MEGF6: variants seen among roughly 807,000 people sequenced by gnomAD.
MEGF6 encodes the protein multiple EGF like domains 6.
MEGF6 carries 184 observed loss-of-function variants against 207.1 expected under a neutral mutation model. The ratio of observed to expected loss-of-function variants is 0.89; its 90% CI spans 0.79 to 1.00. The LOEUF (loss-of-function observed/expected upper bound fraction) is 1.00. Among genes scored for constraint, MEGF6 ranks in the 50% least tolerant of loss-of-function variants. The probability of loss-of-function intolerance (pLI) is 0.00; values close to 1 mark genes in which losing one functional copy is unlikely to be tolerated. For synonymous variants in MEGF6, 1,038 were observed against 910.0 expected, an observed-to-expected ratio of 1.14 and a Z score of -2.53; for missense variants, 2,282 against 2,202.9, an observed-to-expected ratio of 1.04 and a Z score of -0.72.
chr1:3,499,799 G>T lies in MEGF6; in HGVS notation c.2833C>A (p.His945Asn). 6.4e-7 allele frequency: 1 copy of T among 1,559,752 alleles called. No homozygotes were observed. The highest frequency in any genetic ancestry group is 8.7e-7 in the Non-Finnish European group (1 of 1,152,568). Reference sequence around the variant, plus strand: ...CCCCGCCTGTGCCGTAGCTCACCATGCTCGCAGAAGGTGCCCCTCCAGCCG... The same window carrying T: ...CCCCGCCTGTGCCGTAGCTCACCATTCTCGCAGAAGGTGCCCCTCCAGCCG... The part of the protein sequence containing the change: ...PAGWRGTFCE[H>N]ACPAGFFGLD... The change falls in exon 22 of 37, where the codon CAT becomes AAT. Residue 945 changes from histidine to asparagine, a missense_variant. Coordinates refer to ENST00000356575, the MANE Select transcript of MEGF6 (RefSeq NM_001409.4).
At chr1:3,606,678 C>T (rs1170631440) in intron 1 of MEGF6, among the ~76,000 whole-genome samples, 1 of 152,234 alleles carries the variant, frequency 6.6e-6, no homozygotes, top group Non-Finnish European at 1.5e-5. Context: ...GCCATAGGAA[C>T]TGCTACAGGC....
At chr1:3,547,788 C>A (rs1286195417) in intron 4 of MEGF6, among the ~76,000 whole-genome samples, 1 of 152,212 alleles carries the variant, frequency 6.6e-6, no homozygotes, top group Admixed American at 6.5e-5. Flanking sequence ...GGCAGTTCTC[C>A]CGGGGTGCGC....
chr1:3,502,801 C>A (rs1640957894), intron 17 of MEGF6, among the ~76,000 whole-genome samples: 1 of 152,190 alleles, frequency 6.6e-6, no homozygotes, highest in Non-Finnish European at 1.5e-5. Context: ...CCCACGCCTG[C>A]CCTGACCTTA....
intron 2 of MEGF6, among the ~76,000 whole-genome samples, chr1:3,599,808 C>T (rs1384781134): frequency 6.6e-6 from 1 of 151,870 alleles, no homozygotes; most frequent in African/African-American, 2.4e-5. Flanking sequence ...GCCCCTGACC[C>T]TGCCCTGCTG....
chr1:3,603,057 G>A (rs967755528), intron 1 of MEGF6, among the ~76,000 whole-genome samples: 2 of 152,188 alleles, frequency 1.3e-5, no homozygotes, highest in East Asian at 3.9e-4. Flanking sequence ...GTGAACCCGG[G>A]CCCATCCCCT....
intron 1 of MEGF6, among the ~76,000 whole-genome samples, chr1:3,608,491 A>G (rs549791145): frequency 5.9e-5 from 9 of 152,120 alleles, no homozygotes; most frequent in South Asian, 4.2e-4. Context: ...CCAAAGAGCT[A>G]CTTGCAAGAT....
At chr1:3,500,889 G>A (rs1454957282) in intron 20 of MEGF6, 77 bp downstream of exon 20, 4 of 1,603,428 alleles carry the variant, frequency 2.5e-6, no homozygotes, top group Admixed American at 1.7e-5. Context: ...AGTCCTCGGG[G>A]GCCCTGGGCA....
chr1:3,619,260 C>A, the MEGF6 span, among the ~76,000 whole-genome samples: 6 of 152,208 alleles, frequency 3.9e-5, no homozygotes, highest in Admixed American at 3.9e-4. Context: ...GCTCCCCTCC[C>A]GGGACCTCAC....
chr1:3,512,449 T>C (rs983503386), intron 7 of MEGF6, among the ~76,000 whole-genome samples: 1 of 152,218 alleles, frequency 6.6e-6, no homozygotes, highest in African/African-American at 2.4e-5. Context: ...GGCGGGGGCC[T>C]GATGATATGG....
chr1:3,545,289 G>T (rs577317705), intron 4 of MEGF6, among the ~76,000 whole-genome samples: 1 of 152,192 alleles, frequency 6.6e-6, no homozygotes, highest in Non-Finnish European at 1.5e-5. Context: ...AGGTAGGGGG[G>T]TCTGGTCTTC....
At chr1:3,592,858 CAAG>C (rs964989789) in intron 3 of MEGF6, among the ~76,000 whole-genome samples, 4 of 152,222 alleles carry the variant, frequency 2.6e-5, no homozygotes, top group African/African-American at 9.6e-5. Context: ...TGTTTAAAAA[CAAG>C]AAGAAAGCCA....
In MEGF6 at chr1:3,528,044, G is replaced by A. The variant is rs79518936; in HGVS notation, c.482-3798C>T. On this transcript the variant is annotated intron_variant, in intron 4 of 36. Coordinates refer to ENST00000356575, the MANE Select transcript of MEGF6 (RefSeq NM_001409.4). ...AGGGCCTGGGTGGGGGTGCTGAAGCGCACCCAGGCTTCCGGTGCCTGCTAT... is the reference window on the plus strand; with the variant it reads ...AGGGCCTGGGTGGGGGTGCTGAAGCACACCCAGGCTTCCGGTGCCTGCTAT... Among the ~76,000 whole-genome samples the A allele has an allele frequency of 6.2e-4, 95 of 152,328 alleles. 1 individual carries two copies. The East Asian group carries it at 0.013, about 20-fold the overall frequency.
In MEGF6 at chr1:3,602,525, C is replaced by G; in HGVS notation, c.207G>C (p.Thr69=). 1 of 1,613,318 alleles carries G rather than the reference C, an allele frequency of 6.2e-7. No homozygotes were observed. The highest frequency in any genetic ancestry group is 8.5e-7 in the Non-Finnish European group (1 of 1,179,884). The part of the protein sequence containing the change: ...RQPCVQALSH[T]VPVWKAGCGW... ...CACAGCCGGCCTTCCACACCGGCAC[C>G]GTGTGGCTTAAGGCCTGCACGCACG... Residue 69 remains threonine (T), a synonymous_variant, in exon 2 of 37, where the codon ACG becomes ACC. Transcript: ENST00000356575.
chr1:3,576,374 C>G (rs1279173157), intron 4 of MEGF6, among the ~76,000 whole-genome samples: 1 of 152,226 alleles, frequency 6.6e-6, no homozygotes, highest in Non-Finnish European at 1.5e-5. Flanking sequence ...CCCCCACTGC[C>G]CTCCATAGCT....
Position 3,599,276 on chromosome 1 carries a change from C to A in MEGF6, c.266+3190G>T, listed in dbSNP as rs377537284. Among the ~76,000 whole-genome samples, 332 of 152,340 alleles carry A rather than the reference C, an allele frequency of 2.2e-3. 2 individuals carry two copies. The highest frequency in any genetic ancestry group is 7.7e-3 in the African/African-American group (319 of 41,594). Reference sequence around the variant, plus strand: ...CTCATCCAGCCTGCTGGCCTCCCCCCCAGAGCTCAGGAGAGGAGGTGTCTC... The same window carrying A: ...CTCATCCAGCCTGCTGGCCTCCCCCACAGAGCTCAGGAGAGGAGGTGTCTC... On this transcript the variant is annotated intron_variant, in intron 2 of 36. Coordinates refer to ENST00000356575, the MANE Select transcript of MEGF6 (RefSeq NM_001409.4).
At position 3,494,022 on chromosome 1, in the gene MEGF6, C is replaced by T; in HGVS notation, c.4232G>A (p.Gly1411Asp). The T allele has an allele frequency of 6.2e-7, 1 of 1,607,798 alleles. No individual in the cohort carries two copies. Among genetic ancestry groups the T allele is most frequent in the Non-Finnish European group, 8.5e-7 (1 of 1,177,922 alleles). ...PISGRCLCPAGFHGHFCERGC... is the reference protein window; with the variant it reads ...PISGRCLCPADFHGHFCERGC... ...CCTCTCACAGAAGTGGCCGTGGAAG[C>T]CGGCAGGGCAGAGGCATCGGCCACT... Residue 1411 changes from glycine (G) to aspartate (D), a missense_variant, in exon 33 of 37, where the codon GGC becomes GAC. Transcript: ENST00000356575.
Position 3,507,912 on chromosome 1 carries a change from C to A in MEGF6, c.1672G>T (p.Asp558Tyr), listed in dbSNP as rs1641175783. The change falls in exon 14 of 37, where the codon GAC becomes TAC. Residue 558 changes from aspartate to tyrosine, a missense_variant. By Grantham distance (160) the Asp-to-Tyr change is radical. Coordinates refer to ENST00000356575, the MANE Select transcript of MEGF6 (RefSeq NM_001409.4). ...AAGCTGCAGTTCTTCCCAAAGGTGTCCGGAGGACAAGCTACAAAGAATGAC... is the reference window on the plus strand; with the variant it reads ...AAGCTGCAGTTCTTCCCAAAGGTGTACGGAGGACAAGCTACAAAGAATGAC... ...GLICNETCPP[D>Y]TFGKNCSFSC... 3 of 1,611,524 alleles carry A rather than the reference C, an allele frequency of 1.9e-6. No homozygotes were observed. The highest frequency in any genetic ancestry group is 1.7e-6 in the Non-Finnish European group (2 of 1,178,892).
rs199605751 is a variant in MEGF6, at chr1:3,602,177, TGC to T, written c.266+287_266+288del. Among the ~76,000 whole-genome samples the T allele has an allele frequency of 4.5e-3, 684 of 152,310 alleles. 21 individuals are homozygous for T. The highest frequency in any genetic ancestry group is 0.041 in the Admixed American group (634 of 15,308). On this transcript the variant is annotated intron_variant, in intron 2 of 36. Coordinates refer to ENST00000356575, the MANE Select transcript of MEGF6 (RefSeq NM_001409.4). Reference sequence around the variant, plus strand: ...CAGGCTGAGACCACTCTCCCCTTCCTGCGTGGCCAGCATCCTCCCGGGCTGGG... The same window carrying T: ...CAGGCTGAGACCACTCTCCCCTTCCTGTGGCCAGCATCCTCCCGGGCTGGG...
At chr1:3,494,533 A>C in intron 31 of MEGF6, 34 bp from the exon 32 acceptor site, 1 of 1,574,234 alleles carries the variant, frequency 6.4e-7, no homozygotes, top group Non-Finnish European at 8.6e-7. Context: ...GTCCTTCGGC[A>C]CCAGCCTTGC....
Sources: allele counts gnomAD v4.1 joint callset (sites outside exome capture counted in the v4.1 genomes callset), GRCh38; gene constraint gnomAD v4.1.1; transcripts MANE v1.5; gene names NCBI Gene and HGNC (gene_info 2026-07-23, HGNC 2026-07-21).